DNAH3: variants seen among roughly 807,000 people sequenced by gnomAD.
The protein encoded by DNAH3 is axonemal beta dynein heavy chain 3.
In DNAH3, 332 loss-of-function variants were observed where a neutral mutation model predicts 432.5. The observed-to-expected ratio is 0.77, with a 90% confidence interval of 0.70 to 0.84. The LOEUF (loss-of-function observed/expected upper bound fraction) is 0.84. Ranked by LOEUF, DNAH3 falls within the 40% of genes least tolerant of loss-of-function variation. DNAH3 has a pLI of 0.00. For synonymous variants in DNAH3, 1,956 were observed against 1,900.2 expected, an observed-to-expected ratio of 1.03 and a Z score of -0.76; for missense variants, 4,861 against 5,114.0, an observed-to-expected ratio of 0.95 and a Z score of 1.51.
intron 31 of DNAH3, among the ~76,000 whole-genome samples, chr16:21,046,872 TG>T (rs1321527326): frequency 3.3e-5 from 5 of 152,120 alleles, no homozygotes; most frequent in African/African-American, 1.2e-4. Flanking sequence ...GCAGGCCTGG[TG>T]GTGACAAAAT....
chr16:20,953,308 G>C (rs1418991748), intron 55 of DNAH3, among the ~76,000 whole-genome samples: 1 of 151,908 alleles, frequency 6.6e-6, no homozygotes, highest in South Asian at 2.1e-4. Flanking sequence ...ACAGGCACGT[G>C]CCACCACGCC....
chr16:21,020,873 A>T (rs1375359877), intron 40 of DNAH3, among the ~76,000 whole-genome samples: 1 of 152,128 alleles, frequency 6.6e-6, no homozygotes, highest in East Asian at 1.9e-4. Context: ...CTCTTTGCCC[A>T]TTAAACAATA....
chr16:20,941,273 A>G, intron 59 of DNAH3, 128 bp downstream of exon 59: 7 of 1,092,472 alleles, frequency 6.4e-6, no homozygotes, highest in Non-Finnish European at 9.4e-6. Flanking sequence ...CACAGCCCCT[A>G]TTCACACCCC....
chr16:20,970,116 T>C (rs768957074), intron 51 of DNAH3, 126 bp from the exon 52 acceptor site: 46 of 863,278 alleles, frequency 5.3e-5, no homozygotes, highest in Middle Eastern at 3.4e-4. Context: ...CCCTTTAACA[T>C]GGTGCCTGCC....
chr16:21,158,072 G>C (rs1330502155), intron 1 of DNAH3, among the ~76,000 whole-genome samples: 1 of 152,158 alleles, frequency 6.6e-6, no homozygotes, highest in African/African-American at 2.4e-5. Context: ...TTTGGGGCCA[G>C]GGGAAACAGG....
chr16:20,985,500 C>T (rs888537701), exon 48 of DNAH3: 1 of 1,614,042 alleles, frequency 6.2e-7, no homozygotes, highest in Non-Finnish European at 8.5e-7. Context: ...TAGAGATGTG[C>T]TCAATGGCAA....
At chr16:21,122,988 T>C (rs1323822614) in intron 9 of DNAH3, among the ~76,000 whole-genome samples, 1 of 152,100 alleles carries the variant, frequency 6.6e-6, no homozygotes, top group African/African-American at 2.4e-5. Flanking sequence ...GGAATTTATA[T>C]GCGTATCTCA....
At chr16:20,936,519 CCA>C in intron 60 of DNAH3, 128 bp downstream of exon 60, 1 of 780,438 alleles carries the variant, frequency 1.3e-6, no homozygotes, top group East Asian at 2.7e-5. Context: ...AAGACTGTTT[CCA>C]GAGGCTCAAT....
intron 49 of DNAH3, among the ~76,000 whole-genome samples, chr16:20,980,252 ATCATATAT>A (rs1342183817): frequency 7.9e-6 from 1 of 127,086 alleles, no homozygotes; most frequent in Non-Finnish European, 1.7e-5. Context: ...TATAATATAC[ATCATATAT>A]TATATTATAA....
intron 58 of DNAH3, among the ~76,000 whole-genome samples, chr16:20,942,362 C>G (rs772563745): frequency 1.3e-5 from 2 of 152,084 alleles, no homozygotes. Context: ...GGACAGGCCT[C>G]GAGGCTCAAG....
intron 18 of DNAH3, among the ~76,000 whole-genome samples, chr16:21,094,377 T>C (rs1452690394): frequency 6.6e-6 from 1 of 151,922 alleles, no homozygotes; most frequent in Non-Finnish European, 1.5e-5. Flanking sequence ...ATGGCTAAAA[T>C]AAAAAAATAC....
chr16:20,983,832 G>A (rs1047693001), intron 48 of DNAH3, among the ~76,000 whole-genome samples: 1 of 151,920 alleles, frequency 6.6e-6, no homozygotes, highest in Non-Finnish European at 1.5e-5. Context: ...GGGCAACAAA[G>A]TGAACCCCAC....
intron 7 of DNAH3, among the ~76,000 whole-genome samples, chr16:21,133,612 T>C (rs2092600972): frequency 1.3e-5 from 2 of 151,818 alleles, no homozygotes; most frequent in Admixed American, 1.3e-4. Context: ...TGGTGGCGCA[T>C]GCCTGTAATC....
At chr16:21,003,111 C>T in exon 42 of DNAH3, 1 of 1,605,374 alleles carries the variant, frequency 6.2e-7, no homozygotes, top group Non-Finnish European at 8.5e-7. Flanking sequence ...TACCTTTGCA[C>T]CAGCTGGAAC....
At chr16:21,112,160 C>T in intron 12 of DNAH3, 62 bp from the exon 13 acceptor site, 1 of 1,144,758 alleles carries the variant, frequency 8.7e-7, no homozygotes, top group Non-Finnish European at 1.3e-6. Context: ...TCAGATGAGT[C>T]AGAGTGGCAA....
At position 21,055,184 on chromosome 16, in the gene DNAH3, T is replaced by C. The variant is rs9674011; in HGVS notation, c.3925-650A>G. The stretch of plus-strand genomic sequence containing the variant: ...ACAGAGCCTGACTCAGCCTCCCAAA[T>C]AGCTAGGACTACAGGTGTGCACCAC... On this transcript the variant is annotated intron_variant, in intron 27 of 61. Coordinates refer to ENST00000261383, the Ensembl canonical transcript of DNAH3. 8.0e-3 allele frequency among the ~76,000 whole-genome samples: 1,219 copies of C among 152,154 alleles called. 11 individuals are homozygous for C. The highest frequency in any genetic ancestry group is 0.028 in the African/African-American group (1,157 of 41,514).
intron 56 of DNAH3, among the ~76,000 whole-genome samples, chr16:20,951,508 G>A (rs1314714492): frequency 6.7e-6 from 1 of 148,878 alleles, no homozygotes; most frequent in African/African-American, 2.5e-5. Flanking sequence ...GGGGTGGCAC[G>A]ATCAGAGCTC....
chr16:21,133,654 C>T (rs1358446200), intron 7 of DNAH3, among the ~76,000 whole-genome samples: 1 of 150,696 alleles, frequency 6.6e-6, no homozygotes, highest in Admixed American at 6.6e-5. Flanking sequence ...ACAGGAGAAT[C>T]GCTTGAACCC....
At chr16:20,997,725 A>C (rs1187037618) in intron 43 of DNAH3, among the ~76,000 whole-genome samples, 5 of 151,276 alleles carry the variant, frequency 3.3e-5, no homozygotes, top group African/African-American at 9.7e-5. Context: ...TTGGCCGGGC[A>C]TGGTGGCTCA....
Sources: allele counts gnomAD v4.1 joint callset (sites outside exome capture counted in the v4.1 genomes callset), GRCh38; gene constraint gnomAD v4.1.1; transcripts MANE v1.5; gene names NCBI Gene and HGNC (gene_info 2026-07-23, HGNC 2026-07-21).